The following DNM3 variants were observed in gnomAD, a reference collection of about 807,000 sequenced individuals.
DNM3 encodes the protein dynamin-3.
In DNM3, 47 loss-of-function variants were observed where a neutral mutation model predicts 101.6. That is an observed-to-expected ratio of 0.46 (90% CI 0.37 to 0.59). The LOEUF is 0.59. Among genes scored for constraint, DNM3 ranks in the 20% least tolerant of loss-of-function variants. The pLI is 0.00. For missense variants in DNM3, 849 were observed against 1,085.7 expected (o/e 0.78, Z 3.06); for synonymous variants, 385 against 387.9 (o/e 0.99, Z 0.09).
At chr1:172,283,497 C>T (rs1209360023) in intron 15 of DNM3, among the ~76,000 whole-genome samples, 2 of 152,020 alleles carry the variant, frequency 1.3e-5, no homozygotes, top group Admixed American at 6.5e-5. Flanking sequence ...CATGGTGGCT[C>T]ACACCTGTAA....
chr1:172,364,165 G>A (rs1044142493), intron 17 of DNM3, among the ~76,000 whole-genome samples: 1 of 151,880 alleles, frequency 6.6e-6, no homozygotes, highest in African/African-American at 2.4e-5. Flanking sequence ...GAAACCTAGT[G>A]CATGTCTCAT....
intron 13 of DNM3, among the ~76,000 whole-genome samples, chr1:172,130,383 G>A (rs1218966935): frequency 2.6e-5 from 4 of 151,692 alleles, no homozygotes; most frequent in East Asian, 1.9e-4. Context: ...ACTCTGAGGG[G>A]AAAAAAACCT....
At chr1:171,886,253 G>A (rs552718884) in intron 1 of DNM3, among the ~76,000 whole-genome samples, 3 of 152,288 alleles carry the variant, frequency 2.0e-5, no homozygotes, top group Non-Finnish European at 4.4e-5. Flanking sequence ...TTTTATTTGT[G>A]ATCTAAGTGA....
intron 15 of DNM3, among the ~76,000 whole-genome samples, chr1:172,300,883 A>G (rs1484839699): frequency 6.6e-6 from 1 of 152,254 alleles, no homozygotes; most frequent in Non-Finnish European, 1.5e-5. Context: ...CCCCTAAAGT[A>G]TCTGAATTAC....
intron 15 of DNM3, among the ~76,000 whole-genome samples, chr1:172,295,454 A>T (rs1354157754): frequency 6.6e-6 from 1 of 152,154 alleles, no homozygotes; most frequent in East Asian, 1.9e-4. Flanking sequence ...AGATTAGCAA[A>T]TGTCATGAAG....
chr1:172,235,967 C>T (rs1244762049), intron 14 of DNM3, among the ~76,000 whole-genome samples: 1 of 152,046 alleles, frequency 6.6e-6, no homozygotes, highest in East Asian at 1.9e-4. Context: ...GCACGTTGTG[C>T]ACATGTACCC....
At chr1:172,290,119 G>A in intron 15 of DNM3, 3 of 462,086 alleles carry the variant, frequency 6.5e-6, no homozygotes, top group Non-Finnish European at 8.5e-6. Context: ...AAATATTAAT[G>A]AGCACCTACT....
chr1:172,247,471 A>G (rs1297715048), intron 14 of DNM3, among the ~76,000 whole-genome samples: 3 of 152,148 alleles, frequency 2.0e-5, no homozygotes, highest in African/African-American at 7.2e-5. Flanking sequence ...TAATTTGATT[A>G]TTTGATAGCT....
chr1:171,988,890 T>A (rs2045453572), intron 3 of DNM3, 55 bp from the exon 4 acceptor site: 1 of 1,444,330 alleles, frequency 6.9e-7, no homozygotes, highest in African/African-American at 1.4e-5. Flanking sequence ...GATTCTGTAT[T>A]GTTATCTTTT....
At chr1:171,852,769 G>C (rs2033126504) in intron 1 of DNM3, among the ~76,000 whole-genome samples, 1 of 152,226 alleles carries the variant, frequency 6.6e-6, no homozygotes, top group Non-Finnish European at 1.5e-5. Context: ...TGGATTGCCT[G>C]TGAAACAGTA....
chr1:172,367,532 A>C (rs1246025333), intron 17 of DNM3, among the ~76,000 whole-genome samples: 1 of 151,910 alleles, frequency 6.6e-6, no homozygotes, highest in Non-Finnish European at 1.5e-5. Context: ...AAACAGAAAC[A>C]AAGGATATAC....
intron 14 of DNM3, among the ~76,000 whole-genome samples, chr1:172,233,717 G>A (rs2061427050): frequency 1.3e-5 from 2 of 152,120 alleles, no homozygotes; most frequent in Admixed American, 1.3e-4. Flanking sequence ...TCATCCCTGG[G>A]ATGCAAGGCT....
chr1:171,849,750 A>G (rs2032694763), intron 1 of DNM3, among the ~76,000 whole-genome samples: 2 of 152,202 alleles, frequency 1.3e-5, no homozygotes, highest in South Asian at 4.1e-4. Context: ...CATTTCATTA[A>G]TCCTTCGAAT....
chr1:172,107,580 A>G (rs1195592142), intron 13 of DNM3, among the ~76,000 whole-genome samples: 2 of 152,206 alleles, frequency 1.3e-5, no homozygotes, highest in Non-Finnish European at 2.9e-5. Context: ...CTCATTGACT[A>G]TAAAGGTGTC....
intron 1 of DNM3, among the ~76,000 whole-genome samples, chr1:171,850,550 A>G (rs905078669): frequency 6.6e-6 from 1 of 152,202 alleles, no homozygotes; most frequent in African/African-American, 2.4e-5. Context: ...CATGGTTCTG[A>G]GTCCTACTAC....
intron 4 of DNM3, among the ~76,000 whole-genome samples, chr1:171,994,155 T>C (rs961721252): frequency 2.0e-5 from 3 of 152,176 alleles, no homozygotes; most frequent in African/African-American, 7.2e-5. Context: ...GGCCATACTT[T>C]CTTTGCATAT....
intron 18 of DNM3, among the ~76,000 whole-genome samples, chr1:172,381,942 T>A (rs2068932354): frequency 6.6e-6 from 1 of 152,160 alleles, no homozygotes; most frequent in Non-Finnish European, 1.5e-5. Context: ...GAAATGGGAA[T>A]GAAAAAGAAT....
intron 13 of DNM3, among the ~76,000 whole-genome samples, chr1:172,125,925 T>C (rs2056595912): frequency 1.3e-5 from 2 of 152,182 alleles, no homozygotes; most frequent in East Asian, 1.9e-4. Context: ...TCTTTTCAAA[T>C]TTTATTTAGT....
At chr1:171,885,605 G>A (rs949368746) in intron 1 of DNM3, among the ~76,000 whole-genome samples, 4 of 152,038 alleles carry the variant, frequency 2.6e-5, no homozygotes, top group South Asian at 2.1e-4. Flanking sequence ...TTTTTCTGGC[G>A]TTGCCTATCC....
Sources: gnomAD v4.1 joint callset for allele counts (sites outside exome capture counted in the v4.1 genomes callset) on GRCh38, gnomAD v4.1.1 for gene constraint, MANE v1.5 for transcripts, NCBI Gene and HGNC (gene_info 2026-07-23, HGNC 2026-07-21) for gene names.